Variants in LGI2 observed in about 807,000 individuals in gnomAD.
The protein encoded by LGI2 is leucine rich repeat LGI family member 2, also known as leucine-rich repeat LGI family member 2.
In LGI2, 30 loss-of-function variants were observed where a neutral mutation model predicts 52.0. The observed-to-expected ratio is 0.58, with a 90% CI of 0.43 to 0.78. LGI2 has a LOEUF of 0.78. Among genes scored for constraint, LGI2 ranks in the 30% least tolerant of loss-of-function variants. The pLI, the probability that LGI2 is intolerant of heterozygous loss-of-function variation, is 0.00. For synonymous variants in LGI2, 270 were observed against 271.8 expected (o/e 0.99, Z 0.06); for missense variants, 573 against 692.5 (o/e 0.83, Z 1.94).
chr4:25,014,005 T>C (rs1413436165), intron 6 of LGI2, among the ~76,000 whole-genome samples: 1 of 152,230 alleles, frequency 6.6e-6, no homozygotes, highest in Non-Finnish European at 1.5e-5. Context: ...AGTCATCATG[T>C]GCTCCCTTTT....
intron 4 of LGI2, 61 bp downstream of exon 4, chr4:25,024,759 T>A: frequency 8.7e-7 from 1 of 1,145,016 alleles, no homozygotes; most frequent in Non-Finnish European, 1.3e-6. Context: ...ACAGAGAGGC[T>A]CCAGGAAACC....
intron 7 of LGI2, among the ~76,000 whole-genome samples, chr4:25,005,051 CTA>C: frequency 6.6e-6 from 1 of 152,156 alleles, no homozygotes; most frequent in South Asian, 2.1e-4. Context: ...AAGACGAATA[CTA>C]TATGATTCCA....
downstream of LGI2, among the ~76,000 whole-genome samples, chr4:24,996,732 C>T (rs1284241035): frequency 6.6e-6 from 1 of 152,170 alleles, no homozygotes; most frequent in Non-Finnish European, 1.5e-5. Flanking sequence ...TCATCAGGAC[C>T]CTGCATCATT....
Position 25,003,753 on chromosome 4 carries a change from T to A in LGI2, c.1336A>T (p.Met446Leu), listed in dbSNP as rs1725315770. 1 of 1,614,222 alleles carries A rather than the reference T, an allele frequency of 6.2e-7. No individual in the cohort carries two copies. The highest frequency in any genetic ancestry group is 1.3e-5 in the African/African-American group (1 of 75,064). ...LTRFIGDSRV[M>L]RWNSKQFVEI... is the part of the protein sequence containing the mutation. ...ACAAACTGCTTACTGTTCCACCTCA[T>A]GACCCGGGAGTCCCCGATGAAGCGG... is the stretch of plus-strand genomic sequence containing the variant. The change falls in exon 8 of 8, where the codon ATG becomes TTG. Residue 446 changes from methionine (M) to leucine (L), a missense_variant. By Grantham distance (15) the Met-to-Leu change is conservative (BLOSUM62 2). Transcript: ENST00000382114.
intron 3 of LGI2, among the ~76,000 whole-genome samples, chr4:25,026,374 GA>G (rs1414153747): frequency 6.6e-6 from 1 of 151,788 alleles, no homozygotes; most frequent in Non-Finnish European, 1.5e-5. Context: ...TTTTTTTAAG[GA>G]AAAAAATAAA....
chr4:25,014,028 A>G (rs1389733375), intron 6 of LGI2, among the ~76,000 whole-genome samples: 1 of 152,198 alleles, frequency 6.6e-6, no homozygotes, highest in Non-Finnish European at 1.5e-5. Context: ...GGGGATATAA[A>G]AAGATTTGGA....
Position 24,999,873 on chromosome 4 carries a change from T to C in LGI2, c.*3578A>G, listed in dbSNP as rs1275037430. 1.1e-5 allele frequency: 5 copies of C among 456,250 alleles called. No individual in the cohort carries two copies. Among genetic ancestry groups the C allele is most frequent in the Non-Finnish European group, 2.2e-5 (5 of 226,950 alleles). 28.3% of individuals were successfully genotyped at this position (456,250 alleles called of 1,614,324 possible). A position where few individuals can be genotyped will look rare whatever the true frequency, so the allele number is the denominator to read the frequency against. On this transcript the variant is annotated 3_prime_UTR_variant, in exon 8 of 8. Coordinates refer to ENST00000382114, the MANE Select transcript of LGI2 (RefSeq NM_018176.4). Reference sequence around the variant, plus strand: ...CATCACCACTCGTGCATTCAGGTTTTGAATTTTTCCTTCACAGATCTCTTC... The same window carrying C: ...CATCACCACTCGTGCATTCAGGTTTCGAATTTTTCCTTCACAGATCTCTTC...
intron 5 of LGI2, among the ~76,000 whole-genome samples, 180 bp downstream of exon 5, chr4:25,018,987 T>C (rs377482379): frequency 1.3e-5 from 2 of 152,208 alleles, no homozygotes; most frequent in East Asian, 3.9e-4. Context: ...GTGCTAAGTA[T>C]AAAATGGCAA....
At chr4:25,028,665 G>A (rs938264273) in intron 1 of LGI2, 87 bp from the exon 2 acceptor site, 2 of 1,110,080 alleles carry the variant, frequency 1.8e-6, no homozygotes, top group African/African-American at 1.5e-5. Flanking sequence ...GCCTCCACCT[G>A]TACTTCAAAC....
Position 25,026,922 on chromosome 4 carries a change from G to C in LGI2, c.287C>G (p.Ser96Ter), listed in dbSNP as rs762820735. ...SLQLLLLNSN[S>*]FTIIRDDAFA... ...AGCATCATCCCGGATGATCGTGAATGAGTTAGAATTCAGCAATCTGAAAGT... is the reference window on the plus strand; with the variant it reads ...AGCATCATCCCGGATGATCGTGAATCAGTTAGAATTCAGCAATCTGAAAGT... Residue 96 changes from serine to a stop codon, truncating the protein, a stop_gained, in exon 3 of 8, where the codon TCA becomes TGA. Coordinates refer to ENST00000382114, the MANE Select transcript of LGI2 (RefSeq NM_018176.4). LOFTEE classifies it high-confidence loss of function. 2 of 1,613,296 alleles carry C rather than the reference G, an allele frequency of 1.2e-6. No individual in the cohort carries two copies. The highest frequency in any genetic ancestry group is 1.7e-5 in the Admixed American group (1 of 60,024).
chr4:25,011,449 G>C (rs541351368), intron 7 of LGI2, among the ~76,000 whole-genome samples: 1 of 152,232 alleles, frequency 6.6e-6, no homozygotes, highest in African/African-American at 2.4e-5. Context: ...GAGATACACT[G>C]TGAGATAAGG....
At chr4:25,027,901 A>G (rs1427030840) in intron 2 of LGI2, among the ~76,000 whole-genome samples, 1 of 152,202 alleles carries the variant, frequency 6.6e-6, no homozygotes, top group Admixed American at 6.5e-5. Flanking sequence ...GCTCACAGAG[A>G]GGAGATGGGA....
Position 25,004,401 on chromosome 4 carries a change from T to C in LGI2, c.821-133A>G, listed in dbSNP as rs1577545113. 7 of 799,552 alleles carry C rather than the reference T, an allele frequency of 8.8e-6. No homozygotes were observed. In the East Asian group the frequency reaches 1.3e-4, roughly 15 times the overall value. 49.5% of individuals were successfully genotyped at this position (799,552 alleles called of 1,614,324 possible). A position where few individuals can be genotyped will look rare whatever the true frequency, so the allele number is the denominator to read the frequency against. ...TATGGAAAACAGTATGGTGGTTCCT[T>C]GAAAAATTAAACATGGAATTACCCT... On this transcript the variant is annotated intron_variant, in intron 7 of 7. Coordinates refer to ENST00000382114, the MANE Select transcript of LGI2 (RefSeq NM_018176.4). This position sits in a 1 kb window ranked among gnomAD's most constrained non-coding sequence, Gnocchi z 4.6.
intron 7 of LGI2, among the ~76,000 whole-genome samples, chr4:25,011,105 C>CA (rs1725569216): frequency 1.3e-5 from 2 of 150,442 alleles, no homozygotes; most frequent in East Asian, 2.0e-4. Context: ...ATCAAAAAAA[C>CA]CAAAAAACAG....
intron 7 of LGI2, 114 bp downstream of exon 7, chr4:25,012,221 T>A: frequency 8.3e-7 from 1 of 1,201,302 alleles, no homozygotes; most frequent in Non-Finnish European, 1.2e-6. Flanking sequence ...GTTCCCCAGC[T>A]CTAACCAGGT....
At chr4:25,010,187 G>A (rs1033939433) in intron 7 of LGI2, among the ~76,000 whole-genome samples, 8 of 152,098 alleles carry the variant, frequency 5.3e-5, no homozygotes, top group Non-Finnish European at 7.4e-5. Context: ...GGCTGAGGCA[G>A]GAGAATTGCT....
In LGI2 at chr4:25,004,525, G is replaced by A. The variant is rs1483768571; in HGVS notation, c.821-257C>T. ...ACCTAATGCTATAGACCAAATGTTT[G>A]TGCTCTCTCCAAATGCATATGATGA... On this transcript the variant is annotated intron_variant, in intron 7 of 7. Transcript: ENST00000382114. The surrounding 1 kb of genome is among the most constrained non-coding windows in gnomAD (Gnocchi z 4.6). 6.6e-6 allele frequency among the ~76,000 whole-genome samples: 1 copy of A among 152,196 alleles called. No individual in the cohort carries two copies. Among genetic ancestry groups the A allele is most frequent in the South Asian group, 2.1e-4 (1 of 4,834 alleles).
At chr4:24,998,708 C>T (rs1448797705), downstream of LGI2, 2 of 152,064 alleles carry the variant, frequency 1.3e-5, no homozygotes, top group Admixed American at 1.3e-4. Flanking sequence ...GCAAAAGACC[C>T]TTGTGGTGGT....
At chr4:25,015,591 C>A (rs902573774) in intron 6 of LGI2, among the ~76,000 whole-genome samples, 2 of 152,124 alleles carry the variant, frequency 1.3e-5, no homozygotes, top group African/African-American at 4.8e-5. Flanking sequence ...AAAAGGAAAA[C>A]AATCATATTC....
Sources: allele counts gnomAD v4.1 joint callset (sites outside exome capture counted in the v4.1 genomes callset), GRCh38; gene constraint gnomAD v4.1.1; non-coding constraint Gnocchi (gnomAD v3.1); transcripts MANE v1.5; gene names NCBI Gene and HGNC (gene_info 2026-07-23, HGNC 2026-07-21).